SYNDIG1L: variants seen among roughly 807,000 people sequenced by gnomAD.
SYNDIG1L encodes the protein synapse differentiation inducing 1 like.
In SYNDIG1L, 13 loss-of-function variants were observed where a neutral mutation model predicts 20.1. That is an observed-to-expected ratio of 0.65 (90% CI 0.42 to 1.03). The LOEUF (loss-of-function observed/expected upper bound fraction) is 1.03, where lower values mean the gene tolerates loss of function less well. Ranked by LOEUF, SYNDIG1L falls within the 50% of genes least tolerant of loss-of-function variation. The pLI is 0.00. For missense variants in SYNDIG1L, 294 were observed against 305.1 expected (o/e 0.96, Z 0.27); for synonymous variants, 128 against 129.3 (o/e 0.99, Z 0.07).
chr14:74,432,180 T>TGTGTGTGTGTGTGTGTGAGA, the SYNDIG1L span, among the ~76,000 whole-genome samples: 4 of 124,072 alleles, frequency 3.2e-5, no homozygotes, highest in Admixed American at 8.3e-5. Flanking sequence ...TGTGTGTGTG[T>TGTGTGTGTGTGTGTGTGAGA]GAGAGAGAGA....
At chr14:74,448,348 T>C in the SYNDIG1L span, among the ~76,000 whole-genome samples, 1 of 152,096 alleles carries the variant, frequency 6.6e-6, no homozygotes, top group Admixed American at 6.6e-5. Flanking sequence ...AAAAGAAGGC[T>C]GGAGCTGAAA....
upstream of SYNDIG1L, among the ~76,000 whole-genome samples, chr14:74,428,378 T>C (rs1021885430): frequency 5.3e-5 from 8 of 152,242 alleles, no homozygotes; most frequent in African/African-American, 9.6e-5. Flanking sequence ...CCATTCTTTT[T>C]CCATTCTCTC....
the SYNDIG1L span, among the ~76,000 whole-genome samples, chr14:74,432,188 A>AGATT: frequency 7.4e-6 from 1 of 135,956 alleles, no homozygotes; most frequent in Non-Finnish European, 1.7e-5. Flanking sequence ...TGTGAGAGAG[A>AGATT]GAGAGAGAGA....
chr14:74,414,581 A>G (rs2086159817), intron 1 of SYNDIG1L, among the ~76,000 whole-genome samples: 1 of 152,194 alleles, frequency 6.6e-6, no homozygotes, highest in African/African-American at 2.4e-5. Context: ...TTGGAGTCCA[A>G]TCATACAGTG....
intron 1 of SYNDIG1L, among the ~76,000 whole-genome samples, chr14:74,424,200 A>G (rs896982532): frequency 2.0e-5 from 3 of 152,164 alleles, no homozygotes; most frequent in Admixed American, 6.5e-5. Flanking sequence ...GCCCTACAGA[A>G]TATCAGGGCT....
At chr14:74,446,754 T>C in the SYNDIG1L span, among the ~76,000 whole-genome samples, 33 of 152,140 alleles carry the variant, frequency 2.2e-4, 1 homozygote, top group African/African-American at 7.5e-4. Flanking sequence ...GTAGCTGGGA[T>C]TACAGGTGCA....
the SYNDIG1L span, among the ~76,000 whole-genome samples, chr14:74,436,181 C>A: frequency 6.6e-6 from 1 of 151,864 alleles, no homozygotes; most frequent in African/African-American, 2.4e-5. Flanking sequence ...CAGAGTACTC[C>A]CTTTGCATGT....
the SYNDIG1L span, chr14:74,476,468 G>A: frequency 2.1e-6 from 3 of 1,451,664 alleles, no homozygotes; most frequent in Middle Eastern, 1.7e-4. Context: ...TGCAGGTGAG[G>A]GGAGCCACAC....
At chr14:74,444,437 G>A in the SYNDIG1L span, among the ~76,000 whole-genome samples, 1 of 151,804 alleles carries the variant, frequency 6.6e-6, no homozygotes, top group East Asian at 1.9e-4. Flanking sequence ...AGAAAAATGA[G>A]ACTATTCTGA....
At chr14:74,440,370 C>T in the SYNDIG1L span, among the ~76,000 whole-genome samples, 7 of 152,076 alleles carry the variant, frequency 4.6e-5, no homozygotes, top group Non-Finnish European at 7.4e-5. Flanking sequence ...AAAAATTAGC[C>T]GGGCGTGGTT....
the SYNDIG1L span, among the ~76,000 whole-genome samples, chr14:74,445,340 C>T: frequency 6.6e-6 from 1 of 152,104 alleles, no homozygotes; most frequent in African/African-American, 2.4e-5. Flanking sequence ...TACCCAGTCT[C>T]TGGTATTCCT....
chr14:74,418,299 C>T (rs953478826), intron 1 of SYNDIG1L, among the ~76,000 whole-genome samples: 2 of 152,120 alleles, frequency 1.3e-5, no homozygotes, highest in Admixed American at 6.5e-5. Context: ...CCAGGGGTGG[C>T]GAGGGGGGCG....
At chr14:74,415,443 G>C (rs1283029819) in intron 1 of SYNDIG1L, among the ~76,000 whole-genome samples, 3 of 152,290 alleles carry the variant, frequency 2.0e-5, no homozygotes, top group Admixed American at 2.0e-4. Flanking sequence ...TGATGCTGCT[G>C]CTGGTTGAGG....
rs770676278 is a variant in SYNDIG1L, at chr14:74,407,986, C to T, written c.421G>A (p.Asp141Asn). 6.2e-6 allele frequency: 10 copies of T among 1,608,450 alleles called. No individual in the cohort carries two copies. The South Asian group carries it at 6.7e-5, about 11-fold the overall frequency. Residue 141 changes from aspartate to asparagine, a missense_variant, in exon 3 of 4, where the codon GAT (aspartate) becomes AAT (asparagine). Transcript: ENST00000331628. Reference protein sequence around the residue: ...QEDDQEEEESDATSTESESED... With the variant: ...QEDDQEEEESNATSTESESED... ...CTTTCACTCTCCGTTGAAGTGGCAT[C>T]GCTCTGCAAAACAGTGGAGTTTGGT...
At chr14:74,453,439 C>T in the SYNDIG1L span, among the ~76,000 whole-genome samples, 2 of 134,868 alleles carry the variant, frequency 1.5e-5, no homozygotes, top group Non-Finnish European at 3.1e-5. Flanking sequence ...AGGAGTAAAG[C>T]AAGGAACAGG....
At chr14:74,413,511 T>C (rs2086149032) in intron 1 of SYNDIG1L, among the ~76,000 whole-genome samples, 1 of 152,062 alleles carries the variant, frequency 6.6e-6, no homozygotes, top group Non-Finnish European at 1.5e-5. Flanking sequence ...TAATCTCAAC[T>C]CCGCCAAAAT....
the SYNDIG1L span, among the ~76,000 whole-genome samples, chr14:74,448,145 T>G: frequency 6.0e-4 from 91 of 152,204 alleles, 2 homozygotes; most frequent in Non-Finnish European, 8.8e-5. Flanking sequence ...GATGATAGCT[T>G]AAACCTAACT....
rs13379223 is a variant in SYNDIG1L at position 74,410,168 on chromosome 14, G to T, written c.-57-367C>A. On this transcript the variant is annotated intron_variant, in intron 1 of 3. Transcript: ENST00000331628. ...TTGTCTTCACAAAACTTCCAGTCTG[G>T]TGGAGAAGACAAGTGTAAAATCAAG... Among the ~76,000 whole-genome samples the T allele has an allele frequency of 8.9e-3, 1,358 of 152,324 alleles. 26 individuals are homozygous for T. Among genetic ancestry groups the T allele is most frequent in the African/African-American group, 0.031 (1,304 of 41,560 alleles).
At chr14:74,457,845 G>A in the SYNDIG1L span, among the ~76,000 whole-genome samples, 3 of 151,954 alleles carry the variant, frequency 2.0e-5, no homozygotes, top group South Asian at 6.3e-4. Flanking sequence ...CTTCAGTTTT[G>A]GAGCTGCAGT....
Sources: allele counts gnomAD v4.1 joint callset (sites outside exome capture counted in the v4.1 genomes callset), GRCh38; gene constraint gnomAD v4.1.1; transcripts MANE v1.5; gene names NCBI Gene and HGNC (gene_info 2026-07-23, HGNC 2026-07-21).